The following ENOX1 variants were observed in gnomAD, a reference collection of about 807,000 sequenced individuals.
ENOX1 encodes candidate growth-related and time keeping constitutive hydroquinone (NADH) oxidase.
A neutral mutation model predicts 82.5 loss-of-function variants in ENOX1; 42 were observed. The ratio of observed to expected loss-of-function variants is 0.51; its 90% CI spans 0.40 to 0.66. The LOEUF is 0.66. Among genes scored for constraint, ENOX1 ranks in the 30% least tolerant of loss-of-function variants. ENOX1 has a pLI of 0.00. For synonymous variants in ENOX1, 271 were observed against 282.2 expected (o/e 0.96, Z 0.40); for missense variants, 608 against 811.6 (o/e 0.75, Z 3.05).
At chr13:43,634,002 C>T (rs1046519139) in intron 2 of ENOX1, among the ~76,000 whole-genome samples, 4 of 137,628 alleles carry the variant, frequency 2.9e-5, no homozygotes, top group Admixed American at 2.9e-4. Flanking sequence ...CACCTACTTA[C>T]TATTAATATC....
At chr13:43,570,274 G>A (rs2080118595) in intron 2 of ENOX1, among the ~76,000 whole-genome samples, 1 of 152,182 alleles carries the variant, frequency 6.6e-6, no homozygotes, top group African/African-American at 2.4e-5. Flanking sequence ...CTTAGAGTTA[G>A]GAAAGGGGTT....
At chr13:43,728,618 AT>A (rs1337963142) in intron 1 of ENOX1, among the ~76,000 whole-genome samples, 1 of 152,154 alleles carries the variant, frequency 6.6e-6, no homozygotes, top group Non-Finnish European at 1.5e-5. Flanking sequence ...CATCTCATAA[AT>A]TCACTTGGGA....
chr13:43,519,266 A>T (rs1384358005), intron 2 of ENOX1, among the ~76,000 whole-genome samples: 2 of 152,150 alleles, frequency 1.3e-5, no homozygotes, highest in Non-Finnish European at 1.5e-5. Context: ...AACATTATGG[A>T]ATACATGCTT....
chr13:43,639,781 C>T (rs2083559165), intron 2 of ENOX1, among the ~76,000 whole-genome samples: 1 of 152,194 alleles, frequency 6.6e-6, no homozygotes, highest in Admixed American at 6.5e-5. Flanking sequence ...TGTAATCCAG[C>T]AGTTTGGGAG....
intron 2 of ENOX1, among the ~76,000 whole-genome samples, chr13:43,604,599 T>C (rs1339559888): frequency 6.6e-6 from 1 of 152,226 alleles, no homozygotes; most frequent in Non-Finnish European, 1.5e-5. Context: ...TTATCCTTCA[T>C]TCTGTTCATA....
intron 14 of ENOX1, among the ~76,000 whole-genome samples, chr13:43,258,387 TGTG>T (rs1486257807): frequency 2.0e-5 from 3 of 151,908 alleles, no homozygotes; most frequent in African/African-American, 2.4e-5. Context: ...CAGCAGAAAA[TGTG>T]GTGAAACAGC....
At chr13:43,423,683 C>A (rs1346131832) in intron 3 of ENOX1, among the ~76,000 whole-genome samples, 2 of 152,192 alleles carry the variant, frequency 1.3e-5, no homozygotes, top group Non-Finnish European at 2.9e-5. Flanking sequence ...TCAAACCCTA[C>A]CTCTGCAGTG....
chr13:43,726,065 G>A (rs2153820042), intron 1 of ENOX1, among the ~76,000 whole-genome samples: 1 of 151,652 alleles, frequency 6.6e-6, no homozygotes, highest in South Asian at 2.1e-4. Flanking sequence ...GTTTCATTTT[G>A]TTTTCTTAAC....
At chr13:43,636,856 G>A (rs2153756331) in intron 2 of ENOX1, among the ~76,000 whole-genome samples, 1 of 152,200 alleles carries the variant, frequency 6.6e-6, no homozygotes, top group South Asian at 2.1e-4. Context: ...GGGAGGGAGG[G>A]AAGAAGAGAC....
chr13:43,681,020 T>C (rs2085757137), intron 1 of ENOX1, among the ~76,000 whole-genome samples: 1 of 152,106 alleles, frequency 6.6e-6, no homozygotes, highest in Non-Finnish European at 1.5e-5. Flanking sequence ...CATTTCTGTA[T>C]TATCCAAAGC....
intron 2 of ENOX1, among the ~76,000 whole-genome samples, chr13:43,525,590 T>A (rs868610086): frequency 6.6e-6 from 1 of 152,138 alleles, no homozygotes; most frequent in African/African-American, 2.4e-5. Flanking sequence ...TCATTTTGCA[T>A]TCCTATTAAC....
intron 1 of ENOX1, among the ~76,000 whole-genome samples, chr13:43,697,047 G>C (rs189676743): frequency 6.6e-6 from 1 of 152,288 alleles, no homozygotes; most frequent in Non-Finnish European, 1.5e-5. Flanking sequence ...AGGTGATTTA[G>C]AAGGTGGAAT....
intron 5 of ENOX1, among the ~76,000 whole-genome samples, chr13:43,373,528 C>T (rs2051389634): frequency 6.6e-6 from 1 of 152,124 alleles, no homozygotes; most frequent in African/African-American, 2.4e-5. Context: ...CTTTGTAATT[C>T]TATTTTATTC....
At chr13:43,248,560 T>G (rs1178432045) in intron 14 of ENOX1, among the ~76,000 whole-genome samples, 1 of 152,148 alleles carries the variant, frequency 6.6e-6, no homozygotes, top group Non-Finnish European at 1.5e-5. Flanking sequence ...CTTTTAATTT[T>G]TTTGGAGACC....
chr13:43,559,981 C>T (rs972709196), intron 2 of ENOX1, among the ~76,000 whole-genome samples: 2 of 152,186 alleles, frequency 1.3e-5, no homozygotes, highest in Non-Finnish European at 2.9e-5. Flanking sequence ...TTCCCTCCAA[C>T]CATAGTCCCA....
chr13:43,444,539 G>A (rs1024609139), intron 3 of ENOX1, among the ~76,000 whole-genome samples: 9 of 152,132 alleles, frequency 5.9e-5, no homozygotes, highest in Non-Finnish European at 1.0e-4. Context: ...GAAGATGGCC[G>A]GTAAATGGCT....
At chr13:43,662,283 T>C (rs2084773211) in intron 2 of ENOX1, among the ~76,000 whole-genome samples, 1 of 152,194 alleles carries the variant, frequency 6.6e-6, no homozygotes, top group South Asian at 2.1e-4. Context: ...TTCATAAATA[T>C]ATTTCTGAAT....
intron 2 of ENOX1, among the ~76,000 whole-genome samples, chr13:43,517,835 A>G (rs1207312354): frequency 6.6e-6 from 1 of 152,152 alleles, no homozygotes; most frequent in Admixed American, 6.5e-5. Flanking sequence ...GAGAACCCTC[A>G]TTCCTTCCAC....
At chr13:43,234,188 C>T (rs143429352) in intron 15 of ENOX1, among the ~76,000 whole-genome samples, 1 of 152,080 alleles carries the variant, frequency 6.6e-6, no homozygotes, top group African/African-American at 2.4e-5. Context: ...GCAGAAACTG[C>T]AGCTTTTGGC....
Sources: allele counts gnomAD v4.1 joint callset (sites outside exome capture counted in the v4.1 genomes callset), GRCh38; gene constraint gnomAD v4.1.1; transcripts MANE v1.5; gene names NCBI Gene and HGNC (gene_info 2026-07-23, HGNC 2026-07-21).